MRTFB: variants seen among roughly 807,000 people sequenced by gnomAD.
The protein encoded by MRTFB is myocardin-related transcription factor B.
A neutral mutation model predicts 104.2 loss-of-function variants in MRTFB; 29 were observed. The observed-to-expected ratio is 0.28, with a 90% confidence interval of 0.21 to 0.38. MRTFB has a LOEUF of 0.38. Ranked by LOEUF, MRTFB falls within the 10% of genes least tolerant of loss-of-function variation. The probability of loss-of-function intolerance (pLI) is 1.00; values close to 1 mark genes in which losing one functional copy is unlikely to be tolerated. For synonymous variants in MRTFB, 535 were observed against 519.5 expected (o/e 1.03, Z -0.41); for missense variants, 1,270 against 1,341.6 (o/e 0.95, Z 0.83).
chr16:14,248,831 C>A, intron 12 of MRTFB, 95 bp from the exon 13 acceptor site: 8 of 1,323,264 alleles, frequency 6.0e-6, no homozygotes, highest in Non-Finnish European at 8.3e-6. Context: ...CATTTAGATA[C>A]AATCCCCAAG....
chr16:14,110,010 T>C (rs907592439), intron 2 of MRTFB, among the ~76,000 whole-genome samples: 2 of 152,220 alleles, frequency 1.3e-5, no homozygotes, highest in African/African-American at 4.8e-5. Context: ...AGGGTCAATA[T>C]GGTTTGCCCT....
At chr16:14,212,861 T>C (rs1806843673) in intron 5 of MRTFB, among the ~76,000 whole-genome samples, 1 of 152,212 alleles carries the variant, frequency 6.6e-6, no homozygotes, top group South Asian at 2.1e-4. Flanking sequence ...AAAACGTTGC[T>C]ACATTCAACT....
At chr16:14,037,826 T>C in the MRTFB span, among the ~76,000 whole-genome samples, 1 of 152,220 alleles carries the variant, frequency 6.6e-6, no homozygotes, top group Non-Finnish European at 1.5e-5. Flanking sequence ...CTGACATCTC[T>C]ACCTTCTCTA....
chr16:14,089,958 G>A (rs147830074), intron 2 of MRTFB, among the ~76,000 whole-genome samples: 7 of 151,988 alleles, frequency 4.6e-5, no homozygotes, highest in African/African-American at 1.7e-4. Flanking sequence ...CAAATTATTT[G>A]CCCATTTTTA....
the MRTFB span, among the ~76,000 whole-genome samples, chr16:14,050,452 C>T: frequency 6.6e-6 from 1 of 152,148 alleles, no homozygotes. Context: ...CAGCCTTGAC[C>T]TCCCAGGCTT....
chr16:14,178,921 T>C (rs969785888), intron 3 of MRTFB, among the ~76,000 whole-genome samples: 1 of 152,102 alleles, frequency 6.6e-6, no homozygotes, highest in Admixed American at 6.5e-5. Context: ...GTCTAATTCT[T>C]TTGTAGAGAT....
At chr16:14,087,358 C>T (rs1295707057) in intron 2 of MRTFB, among the ~76,000 whole-genome samples, 1 of 152,134 alleles carries the variant, frequency 6.6e-6, no homozygotes, top group Non-Finnish European at 1.5e-5. Flanking sequence ...AAATTTCCTT[C>T]CTTCCTAACT....
the MRTFB span, among the ~76,000 whole-genome samples, chr16:14,042,720 T>C: frequency 6.6e-6 from 1 of 152,152 alleles, no homozygotes; most frequent in Non-Finnish European, 1.5e-5. Context: ...AACAGCTCCT[T>C]GCTTCTGAAT....
At chr16:14,032,478 T>C in the MRTFB span, among the ~76,000 whole-genome samples, 1 of 152,236 alleles carries the variant, frequency 6.6e-6, no homozygotes, top group Non-Finnish European at 1.5e-5. Context: ...GAATCCTTTA[T>C]CATAAACCAG....
intron 3 of MRTFB, among the ~76,000 whole-genome samples, chr16:14,163,521 T>TTTGGAAA (rs1407690847): frequency 1.3e-5 from 2 of 152,114 alleles, no homozygotes; most frequent in Non-Finnish European, 2.9e-5. Flanking sequence ...ATAGTTCACA[T>TTTGGAAA]ATATCTATAT....
intron 3 of MRTFB, chr16:14,200,536 C>G (rs1597230869): frequency 6.2e-7 from 1 of 1,608,176 alleles, no homozygotes; most frequent in East Asian, 2.2e-5. Flanking sequence ...TCAGCAGCAG[C>G]TTTATTACCT....
the MRTFB span, among the ~76,000 whole-genome samples, chr16:14,028,835 C>A: frequency 7.4e-6 from 1 of 134,704 alleles, no homozygotes; most frequent in African/African-American, 2.5e-5. Flanking sequence ...CAGGGCCAGG[C>A]AGATTGTTTG....
At chr16:14,077,585 C>T (rs2034139799) in intron 1 of MRTFB, among the ~76,000 whole-genome samples, 1 of 144,246 alleles carries the variant, frequency 6.9e-6, no homozygotes, top group South Asian at 2.3e-4. Context: ...TTGTCTAGTT[C>T]CAGAAAACAC....
chr16:14,164,101 T>G (rs1319326952), intron 3 of MRTFB, among the ~76,000 whole-genome samples: 1 of 152,154 alleles, frequency 6.6e-6, no homozygotes, highest in East Asian at 1.9e-4. Flanking sequence ...TATAATACAT[T>G]GTTGTTAACT....
intron 6 of MRTFB, among the ~76,000 whole-genome samples, chr16:14,215,338 C>T (rs1454967490): frequency 1.3e-5 from 2 of 152,088 alleles, no homozygotes; most frequent in Non-Finnish European, 2.9e-5. Context: ...AAACCACCAC[C>T]ACTCCCAACT....
chr16:14,222,062 G>A (rs2041747981), intron 8 of MRTFB, among the ~76,000 whole-genome samples: 2 of 152,250 alleles, frequency 1.3e-5, no homozygotes, highest in Non-Finnish European at 2.9e-5. Context: ...TTACAGGAAT[G>A]AGCCGCCGCA....
chr16:14,200,311 G>C (rs994657349), intron 3 of MRTFB: 4 of 1,606,050 alleles, frequency 2.5e-6, no homozygotes, highest in East Asian at 2.2e-5. Context: ...CCCGTACGCT[G>C]CTGCGCTGAC....
At position 14,261,989 on chromosome 16, in the gene MRTFB, A is replaced by T. The variant is rs1368181627; in HGVS notation, c.*545A>T. 1 of 152,282 alleles carries T rather than the reference A, an allele frequency of 6.6e-6. No homozygotes were observed. The highest frequency in any genetic ancestry group is 2.1e-4 in the South Asian group (1 of 4,830). 9.4% of individuals were successfully genotyped at this position (152,282 alleles called of 1,614,324 possible). On this transcript the variant is annotated 3_prime_UTR_variant, in exon 17 of 17. Coordinates refer to ENST00000571589, the MANE Select transcript of MRTFB (RefSeq NM_001308142.2). ...CAGTTCAGTGACAGCTTCTGGCTGAAGACTTTTGGTTCTATTCAGAAACCT... is the reference window on the plus strand; with the variant it reads ...CAGTTCAGTGACAGCTTCTGGCTGATGACTTTTGGTTCTATTCAGAAACCT...
chr16:14,198,414 A>G (rs1375984797), intron 3 of MRTFB, among the ~76,000 whole-genome samples: 1 of 152,264 alleles, frequency 6.6e-6, no homozygotes, highest in Non-Finnish European at 1.5e-5. Flanking sequence ...TCTTTAGGAA[A>G]GACTTTAGAA....
Sources: allele counts gnomAD v4.1 joint callset (sites outside exome capture counted in the v4.1 genomes callset), GRCh38; gene constraint gnomAD v4.1.1; transcripts MANE v1.5; gene names NCBI Gene and HGNC (gene_info 2026-07-23, HGNC 2026-07-21).